Variants in MAP2K5 observed in about 807,000 individuals in gnomAD.
The protein encoded by MAP2K5 is mitogen-activated protein kinase kinase 5, also known as dual specificity mitogen-activated protein kinase kinase 5.
Under a neutral mutation model 83.1 loss-of-function variants are expected in MAP2K5, and 49 were observed. The ratio of observed to expected loss-of-function variants is 0.59; its 90% confidence interval spans 0.47 to 0.75. The LOEUF is 0.75. Ranked by LOEUF, MAP2K5 falls within the 30% of genes least tolerant of loss-of-function variation. The pLI, the probability that MAP2K5 is intolerant of heterozygous loss-of-function variation, is 0.00. For missense variants in MAP2K5, 457 were observed against 557.5 expected (o/e 0.82, Z 1.82); for synonymous variants, 202 against 191.8 (o/e 1.05, Z -0.44).
Position 67,802,390 on chromosome 15 carries a change from G to A in MAP2K5, c.1243-4256G>A, listed in dbSNP as rs1018909062. Among the ~76,000 whole-genome samples the A allele has an allele frequency of 8.5e-5, 13 of 152,280 alleles. No homozygotes were observed. Among genetic ancestry groups the A allele is most frequent in the African/African-American group, 2.6e-4 (11 of 41,560 alleles). ...TGAGGGTGTCTGCCCAGGTGATGCC[G>A]GCACCTCCCGACTCTCCCCTGTGTC... On this transcript the variant is annotated intron_variant, in intron 21 of 21. Coordinates refer to ENST00000178640, the MANE Select transcript of MAP2K5 (RefSeq NM_145160.3). The surrounding 1 kb of genome is among the most constrained non-coding windows in gnomAD (Gnocchi z 5.0).
chr15:67,680,301 G>T (rs1326830038), intron 13 of MAP2K5, among the ~76,000 whole-genome samples: 5 of 152,088 alleles, frequency 3.3e-5, no homozygotes, highest in African/African-American at 1.2e-4. Flanking sequence ...GTCTTTATGT[G>T]GTTCTGTATT....
chr15:67,649,962 T>C (rs577717862), intron 11 of MAP2K5, among the ~76,000 whole-genome samples: 1 of 152,348 alleles, frequency 6.6e-6, no homozygotes, highest in Admixed American at 6.5e-5. Context: ...CATTATTTAA[T>C]CTTCCACTCC....
In MAP2K5 at chr15:67,586,930, A is replaced by G. The variant is rs1459442665; in HGVS notation, c.431+17A>G. ...AAGCAATAGGTGCGAGCGAGCAAGT[A>G]AAGTGTGCCCTTGATGTGATTTATC... is the stretch of plus-strand genomic sequence containing the variant. On this transcript the variant is annotated intron_variant, in intron 6 of 21. Transcript: ENST00000178640. 2.5e-6 allele frequency: 4 copies of G among 1,613,892 alleles called. No individual in the cohort carries two copies. Among genetic ancestry groups the G allele is most frequent in the Non-Finnish European group, 2.5e-6 (3 of 1,179,754 alleles).
intron 3 of MAP2K5, among the ~76,000 whole-genome samples, chr15:67,564,810 T>A (rs1316246788): frequency 6.6e-6 from 1 of 152,240 alleles, no homozygotes; most frequent in African/African-American, 2.4e-5. Flanking sequence ...TTCTCACATA[T>A]GTCCATTGCA....
chr15:67,688,989 G>A (rs1163564937), intron 13 of MAP2K5, among the ~76,000 whole-genome samples: 4 of 152,104 alleles, frequency 2.6e-5, no homozygotes, highest in South Asian at 2.1e-4. Context: ...TACTGTGCTC[G>A]GAAGGGATAC....
At chr15:67,792,841 GA>G (rs2090542222) in intron 21 of MAP2K5, among the ~76,000 whole-genome samples, 2 of 152,226 alleles carry the variant, frequency 1.3e-5, no homozygotes, top group South Asian at 4.1e-4. Context: ...TGTCTTTAAT[GA>G]ATTCAGAGGA....
chr15:67,745,847 T>C (rs553769332), intron 17 of MAP2K5, among the ~76,000 whole-genome samples: 1 of 152,336 alleles, frequency 6.6e-6, no homozygotes, highest in South Asian at 2.1e-4. Flanking sequence ...TGTGTAACTG[T>C]TAAAAAGTAA....
chr15:67,714,323 G>A (rs2088774446), intron 16 of MAP2K5, among the ~76,000 whole-genome samples: 1 of 144,714 alleles, frequency 6.9e-6, no homozygotes, highest in Non-Finnish European at 1.5e-5. Flanking sequence ...TGCTTACCAA[G>A]TAATAAGAAT....
Position 67,698,203 on chromosome 15 carries a change from T to A in MAP2K5, c.972+4635T>A, listed in dbSNP as rs900510119. 6.6e-6 allele frequency among the ~76,000 whole-genome samples: 1 copy of A among 152,170 alleles called. No individual in the cohort carries two copies. The highest frequency in any genetic ancestry group is 1.5e-5 in the Non-Finnish European group (1 of 68,028). On this transcript the variant is annotated intron_variant, in intron 15 of 21. Transcript: ENST00000178640. The surrounding 1 kb of genome is among the most constrained non-coding windows in gnomAD (Gnocchi z 4.5). ...TTTTCAGAAATTCTTTATTTTTTTT[T>A]TCTTGAGATGAAGTCTCACCCTGTC...
chr15:67,693,173 C>T (rs2288098), intron 14 of MAP2K5, among the ~76,000 whole-genome samples: 3 of 152,214 alleles, frequency 2.0e-5, no homozygotes, highest in Non-Finnish European at 2.9e-5. Flanking sequence ...TCATTCACAT[C>T]TTGAGCCATC....
chr15:67,568,881 C>T (rs2140974550), intron 3 of MAP2K5, among the ~76,000 whole-genome samples: 1 of 151,886 alleles, frequency 6.6e-6, no homozygotes, highest in South Asian at 2.1e-4. Context: ...TGGCATGCGC[C>T]TGTAGTCCCA....
At position 67,781,492 on chromosome 15, in the gene MAP2K5, G is replaced by A. The variant is rs1198629700; in HGVS notation, c.1242+8740G>A. ...TTGGCCATTTAGAGACTGCAGAAAG[G>A]CAGTAGAGACATTTGGGCCTACCGT... On this transcript the variant is annotated intron_variant, in intron 21 of 21. Coordinates refer to ENST00000178640, the MANE Select transcript of MAP2K5 (RefSeq NM_145160.3). This position sits in a 1 kb window ranked among gnomAD's most constrained non-coding sequence, Gnocchi z 4.0. Among the ~76,000 whole-genome samples the A allele has an allele frequency of 1.3e-5, 2 of 152,188 alleles. No individual in the cohort carries two copies. The highest frequency in any genetic ancestry group is 2.9e-5 in the Non-Finnish European group (2 of 68,024).
rs965204370 is a variant in MAP2K5, at chr15:67,746,501, G to T, written c.1075-1730G>T. On this transcript the variant is annotated intron_variant, in intron 17 of 21. Transcript: ENST00000178640. The surrounding 1 kb of genome is among the most constrained non-coding windows in gnomAD (Gnocchi z 4.1). ...ACTCCATAGATATCTCATGTCATAG[G>T]AGAGGTTATCCAGGCTTTTCAGTAT... is the stretch of plus-strand genomic sequence containing the variant. Among the ~76,000 whole-genome samples the T allele has an allele frequency of 6.6e-6, 1 of 152,126 alleles. No homozygotes were observed. Among genetic ancestry groups the T allele is most frequent in the East Asian group, 1.9e-4 (1 of 5,184 alleles).
chr15:67,670,430 C>T (rs796973310), intron 13 of MAP2K5: 2 of 455,550 alleles, frequency 4.4e-6, no homozygotes, highest in Non-Finnish European at 8.8e-6. Flanking sequence ...CAAACAAAGA[C>T]CTGTGCACCT....
At chr15:67,682,254 A>G (rs1049537748) in intron 13 of MAP2K5, among the ~76,000 whole-genome samples, 8 of 149,722 alleles carry the variant, frequency 5.3e-5, no homozygotes, top group East Asian at 4.0e-4. Flanking sequence ...GTCTTGTTCT[A>G]TTGCCACAAT....
intron 19 of MAP2K5, among the ~76,000 whole-genome samples, chr15:67,753,652 C>T (rs1482927080): frequency 1.3e-5 from 2 of 151,780 alleles, no homozygotes; most frequent in Non-Finnish European, 2.9e-5. Flanking sequence ...ACTTCATGCC[C>T]ACTAGGATGG....
intron 2 of MAP2K5, among the ~76,000 whole-genome samples, chr15:67,558,795 C>G (rs1422655776): frequency 6.6e-5 from 10 of 152,346 alleles, no homozygotes; most frequent in African/African-American, 2.4e-4. Flanking sequence ...ATCAGCAAGG[C>G]CCACTCCCTC....
At chr15:67,683,657 G>A (rs1370412197) in intron 13 of MAP2K5, among the ~76,000 whole-genome samples, 1 of 152,158 alleles carries the variant, frequency 6.6e-6, no homozygotes. Context: ...AGCTACTCAG[G>A]AGGCTGAGGC....
chr15:67,567,278 ATGT>A (rs1471527845), intron 3 of MAP2K5, among the ~76,000 whole-genome samples: 1 of 150,506 alleles, frequency 6.6e-6, no homozygotes, highest in Admixed American at 6.6e-5. Flanking sequence ...CTTGTAAGTT[ATGT>A]TGTTAGAATA....
Sources: allele counts gnomAD v4.1 joint callset (sites outside exome capture counted in the v4.1 genomes callset), GRCh38; gene constraint gnomAD v4.1.1; non-coding constraint Gnocchi (gnomAD v3.1); transcripts MANE v1.5; gene names NCBI Gene and HGNC (gene_info 2026-07-23, HGNC 2026-07-21).